Variants in SHROOM4 observed in about 807,000 individuals in gnomAD.
The protein encoded by SHROOM4 is shroom family member 4.
In SHROOM4, 17 loss-of-function variants were observed where a neutral mutation model predicts 80.3. The observed-to-expected ratio is 0.21, with a 90% CI of 0.14 to 0.32. The LOEUF (loss-of-function observed/expected upper bound fraction) is 0.32, where lower values mean the gene tolerates loss of function less well. Among genes scored for constraint, SHROOM4 ranks in the 10% least tolerant of loss-of-function variants. The pLI, the probability that SHROOM4 is intolerant of heterozygous loss-of-function variation, is 1.00. For synonymous variants in SHROOM4, 400 were observed against 437.5 expected, an observed-to-expected ratio of 0.91 and a Z score of 1.07; for missense variants, 993 against 1,140.3, an observed-to-expected ratio of 0.87 and a Z score of 1.86.
chrX:50,720,663 C>T (rs1934084917), intron 1 of SHROOM4, among the ~76,000 whole-genome samples: 1 of 111,513 alleles, frequency 9.0e-6, no homozygotes, highest in Admixed American at 9.6e-5. Flanking sequence ...CTCTGCCTTC[C>T]CAAGGTATGT....
At chrX:50,726,189 C>T (rs1420602548) in intron 1 of SHROOM4, among the ~76,000 whole-genome samples, 1 of 111,809 alleles carries the variant, frequency 8.9e-6, no homozygotes, top group Non-Finnish European at 1.9e-5. Flanking sequence ...TTCTGAGCAG[C>T]AAAGTGTTAA....
Position 50,596,718 on chromosome X carries a change from G to A in SHROOM4, c.4459C>T (p.Leu1487Phe). 8.3e-7 allele frequency: 1 copy of A among 1,211,347 alleles called. No homozygotes were observed. Among genetic ancestry groups the A allele is most frequent in the Non-Finnish European group, 1.1e-6 (1 of 895,629 alleles). Residue 1487 changes from leucine to phenylalanine, a missense_variant, in exon 9 of 9, where the codon CTC (leucine) becomes TTC (phenylalanine). By Grantham distance (22) the Leu-to-Phe change is conservative (BLOSUM62 0). Transcript: ENST00000376020. The part of the protein sequence containing the change: ...EQLKCLRESL[L>F]LGPSNF ...AATTAGAAATTGCTGGGCCCCAGGA[G>A]TAGACTCTCCCTGAGACATTTGAGT...
At chrX:50,627,572 C>T (rs782579972) in intron 5 of SHROOM4, 42 bp downstream of exon 5, 3 of 1,143,408 alleles carry the variant, frequency 2.6e-6, no homozygotes, top group African/African-American at 1.8e-5. Context: ...ACAGAAGCTC[C>T]AGAGGCACCA....
chrX:50,623,522 A>G (rs1287997686), intron 5 of SHROOM4, among the ~76,000 whole-genome samples: 3 of 112,040 alleles, frequency 2.7e-5, no homozygotes, highest in Non-Finnish European at 1.9e-5. Context: ...CACAGTAACA[A>G]TTAATCTTTG....
At position 50,602,777 on chromosome X, in the gene SHROOM4, G is replaced by A. The variant is rs1929489506; in HGVS notation, c.3798C>T (p.Ala1266=). Residue 1266 remains alanine (A), a synonymous_variant, in exon 7 of 9, where the codon GCC becomes GCT. Transcript: ENST00000376020. ...EFQHFSPPSG[A]PGIPTSYSAY... ...CTGAGTAAGAGGTAGGGATTCCTGG[G>A]GCCCCTGAAGGAGGCGAAAAGTGCT... is the stretch of plus-strand genomic sequence containing the variant. The A allele has an allele frequency of 1.7e-6, 2 of 1,210,884 alleles. No homozygotes were observed. The highest frequency in any genetic ancestry group is 1.7e-5 in the African/African-American group (1 of 57,586).
intron 5 of SHROOM4, among the ~76,000 whole-genome samples, chrX:50,625,170 T>C (rs1481258366): frequency 3.6e-5 from 4 of 111,934 alleles, no homozygotes; most frequent in Non-Finnish European, 7.5e-5. Context: ...CACATAATTG[T>C]TTTTAATGAG....
At chrX:50,621,302 T>G (rs193219232) in intron 5 of SHROOM4, among the ~76,000 whole-genome samples, 3 of 112,091 alleles carry the variant, frequency 2.7e-5, no homozygotes, top group Non-Finnish European at 1.9e-5. Context: ...GTTTGACTTT[T>G]TTTAACCCAC....
At chrX:50,599,494 G>A (rs1929291905) in intron 7 of SHROOM4, among the ~76,000 whole-genome samples, 1 of 111,519 alleles carries the variant, frequency 9.0e-6, no homozygotes, top group South Asian at 3.8e-4. Flanking sequence ...TCATAATAAG[G>A]AGTCAATGAG....
chrX:50,590,427 T>G lies in SHROOM4; in HGVS notation c.*6268A>C, dbSNP rs1928848296. Among the ~76,000 whole-genome samples, 1 of 111,039 alleles carries G rather than the reference T, an allele frequency of 9.0e-6. No homozygotes were observed. Among genetic ancestry groups the G allele is most frequent in the African/African-American group, 3.3e-5 (1 of 30,465 alleles). On this transcript the variant is annotated 3_prime_UTR_variant, in exon 9 of 9. Transcript: ENST00000376020. ...ATGCCCTGCTAATTTTTTTGTATTT[T>G]TTTTAGTAGAGATGGGGTTTCACCG...
At chrX:50,637,209 G>A (rs2147304390) in intron 3 of SHROOM4, among the ~76,000 whole-genome samples, 1 of 111,796 alleles carries the variant, frequency 8.9e-6, no homozygotes, top group East Asian at 2.8e-4. Flanking sequence ...TAGAACCCGA[G>A]AGGTTGCAGG....
At chrX:50,675,081 G>C (rs1298002765) in intron 2 of SHROOM4, among the ~76,000 whole-genome samples, 1 of 111,583 alleles carries the variant, frequency 9.0e-6, no homozygotes, top group Non-Finnish European at 1.9e-5. Flanking sequence ...TTCAGGGAAC[G>C]GTTAATATGT....
At chrX:50,740,985 T>A (rs999489988) in intron 1 of SHROOM4, among the ~76,000 whole-genome samples, 24 of 111,578 alleles carry the variant, frequency 2.2e-4, no homozygotes, top group African/African-American at 7.8e-4. Context: ...GACATAAGTA[T>A]CCAATTTCAT....
intron 1 of SHROOM4, among the ~76,000 whole-genome samples, chrX:50,759,541 C>T (rs1329029278): frequency 2.7e-5 from 3 of 112,088 alleles, no homozygotes; most frequent in Non-Finnish European, 5.6e-5. Context: ...TGTTTTTCTG[C>T]TATTTCATTT....
Position 50,588,408 on chromosome X carries a change from C to T in SHROOM4, c.*8287G>A, listed in dbSNP as rs1928802740. On this transcript the variant is annotated 3_prime_UTR_variant, in exon 9 of 9. Coordinates refer to ENST00000376020, the MANE Select transcript of SHROOM4 (RefSeq NM_020717.5). ...GGTACTTATTGTCCTAAGTACTTTGCATGGATTAACTCAATAATTCCTCAC... is the reference window on the plus strand; with the variant it reads ...GGTACTTATTGTCCTAAGTACTTTGTATGGATTAACTCAATAATTCCTCAC... 8.9e-6 allele frequency among the ~76,000 whole-genome samples: 1 copy of T among 111,974 alleles called. No individual in the cohort carries two copies. Among genetic ancestry groups the T allele is most frequent in the Admixed American group, 9.5e-5 (1 of 10,569 alleles).
chrX:50,772,258 C>T (rs1317834052), intron 1 of SHROOM4, among the ~76,000 whole-genome samples: 2 of 111,563 alleles, frequency 1.8e-5, no homozygotes, highest in African/African-American at 3.3e-5. Context: ...GTGGTAACAA[C>T]AATAATAGTA....
chrX:50,669,872 C>A (rs1208505736), intron 2 of SHROOM4, among the ~76,000 whole-genome samples: 2 of 111,499 alleles, frequency 1.8e-5, no homozygotes, highest in African/African-American at 3.3e-5. Flanking sequence ...ACCACCTTTG[C>A]AGTTACTTCT....
At chrX:50,762,065 CCTT>C (rs1395429411) in intron 1 of SHROOM4, among the ~76,000 whole-genome samples, 36 of 112,048 alleles carry the variant, frequency 3.2e-4, no homozygotes, top group African/African-American at 1.1e-3. Flanking sequence ...TCCATTTCCT[CCTT>C]CTTCCTTTGT....
intron 1 of SHROOM4, among the ~76,000 whole-genome samples, chrX:50,805,674 T>A (rs919519107): frequency 9.0e-6 from 1 of 111,385 alleles, no homozygotes; most frequent in Non-Finnish European, 1.9e-5. Context: ...CAAGTAAGGG[T>A]CCTTAGCAAC....
At chrX:50,637,484 T>C (rs1183427513) in intron 3 of SHROOM4, among the ~76,000 whole-genome samples, 1 of 112,927 alleles carries the variant, frequency 8.9e-6, no homozygotes, top group Non-Finnish European at 1.9e-5. Flanking sequence ...TGTCAAAGTG[T>C]GTTTCTGCAT....
Sources: allele counts gnomAD v4.1 joint callset (sites outside exome capture counted in the v4.1 genomes callset), GRCh38; gene constraint gnomAD v4.1.1; transcripts MANE v1.5; gene names NCBI Gene and HGNC (gene_info 2026-07-23, HGNC 2026-07-21).